The following DMD variants were observed in gnomAD, a reference collection of about 807,000 sequenced individuals.
DMD encodes the protein mutant dystrophin.
In DMD, 63 loss-of-function variants were observed where a neutral mutation model predicts 330.1. The observed-to-expected ratio is 0.19, with a 90% confidence interval of 0.16 to 0.24. The LOEUF (loss-of-function observed/expected upper bound fraction) is 0.24. DMD is among the 10% of genes least tolerant of loss of function. The pLI, the probability that DMD is intolerant of heterozygous loss-of-function variation, is 1.00. For synonymous variants in DMD, 1,223 were observed against 959.8 expected (o/e 1.27, Z -5.07); for missense variants, 3,344 against 2,684.1 (o/e 1.25, Z -5.43).
At chrX:31,984,677 G>A (rs1374382621) in intron 44 of DMD, among the ~76,000 whole-genome samples, 1 of 112,505 alleles carries the variant, frequency 8.9e-6, no homozygotes, top group Non-Finnish European at 1.9e-5. Flanking sequence ...CACTGGAGAA[G>A]AGGGGAAGTT....
chrX:31,798,506 C>A (rs1043339506), intron 50 of DMD, among the ~76,000 whole-genome samples: 1 of 108,460 alleles, frequency 9.2e-6, no homozygotes, highest in African/African-American at 3.4e-5. Flanking sequence ...GGAATAAACC[C>A]TAAAGTTGGC....
intron 2 of DMD, among the ~76,000 whole-genome samples, chrX:32,958,154 G>C (rs768894490): frequency 9.0e-6 from 1 of 111,337 alleles, no homozygotes; most frequent in African/African-American, 3.2e-5. Context: ...AAATATGTTC[G>C]TTCCTAATTC....
At chrX:32,445,177 G>T (rs1404190517) in intron 27 of DMD, among the ~76,000 whole-genome samples, 1 of 111,015 alleles carries the variant, frequency 9.0e-6, no homozygotes, top group Non-Finnish European at 1.9e-5. Context: ...TTTTTTGGGG[G>T]GTTCAAAGCT....
At chrX:31,478,079 G>GC (rs760578577) in intron 59 of DMD, 27 bp downstream of exon 59, 2 of 1,206,061 alleles carry the variant, frequency 1.7e-6, no homozygotes, top group Admixed American at 4.4e-5. Flanking sequence ...CTCTCAAAGG[G>GC]CCCTGAAGCA....
At chrX:32,996,441 G>A (rs1312272574) in intron 2 of DMD, among the ~76,000 whole-genome samples, 1 of 111,579 alleles carries the variant, frequency 9.0e-6, no homozygotes, top group Non-Finnish European at 1.9e-5. Flanking sequence ...AAAGTATCAT[G>A]AAGAAGGATA....
At chrX:31,835,285 G>A (rs2093170648) in intron 49 of DMD, among the ~76,000 whole-genome samples, 1 of 112,095 alleles carries the variant, frequency 8.9e-6, no homozygotes, top group African/African-American at 3.2e-5. Flanking sequence ...AAGGCATAAA[G>A]TCTTTGAGGA....
chrX:32,763,826 T>A (rs1160337042), intron 7 of DMD, among the ~76,000 whole-genome samples: 1 of 111,415 alleles, frequency 9.0e-6, no homozygotes, highest in Non-Finnish European at 1.9e-5. Flanking sequence ...AACCCCAGCC[T>A]CATTTACTAT....
At chrX:32,768,046 T>A (rs1029666300) in intron 7 of DMD, among the ~76,000 whole-genome samples, 1 of 112,231 alleles carries the variant, frequency 8.9e-6, no homozygotes, top group African/African-American at 3.2e-5. Flanking sequence ...CAACTAAAAA[T>A]ATTCTGTCAA....
At chrX:31,585,197 C>T (rs1331509905) in intron 55 of DMD, among the ~76,000 whole-genome samples, 2 of 107,580 alleles carry the variant, frequency 1.9e-5, no homozygotes, top group African/African-American at 6.8e-5. Context: ...GTGGCACTTG[C>T]CTGTAGTCTC....
chrX:33,043,645 CCAAA>C (rs1166401645), intron 1 of DMD, among the ~76,000 whole-genome samples: 1 of 111,598 alleles, frequency 9.0e-6, no homozygotes, highest in African/African-American at 3.3e-5. Flanking sequence ...TTTGACAAAA[CCAAA>C]CTGTCTTTAC....
rs375385324 is a variant in DMD at position 31,528,251 on chromosome X, T to G, written c.8218-20798A>C. ...GTATACCAGCATCCTTTAGGAACAC[T>G]TTACTATTATTTTTCTCATCTCTTT... On this transcript the variant is annotated intron_variant, in intron 55 of 78. Transcript: ENST00000357033. Among the ~76,000 whole-genome samples the G allele has an allele frequency of 2.7e-4, 25 of 94,285 alleles. No homozygotes were observed. The South Asian group carries it at 0.01, about 38-fold the overall frequency. The allele number at this position is 94,285 out of a possible 115,157, so 81.9% of individuals were successfully genotyped here. A position where few individuals can be genotyped will look rare whatever the true frequency, so the allele number is the denominator to read the frequency against.
intron 2 of DMD, among the ~76,000 whole-genome samples, chrX:32,982,626 C>A (rs1339899164): frequency 9.0e-6 from 1 of 111,400 alleles, no homozygotes; most frequent in Admixed American, 9.6e-5. Flanking sequence ...CAGAAGAAGA[C>A]GACGGAGTTT....
intron 47 of DMD, among the ~76,000 whole-genome samples, chrX:31,907,027 A>C (rs1282640813): frequency 1.8e-5 from 2 of 112,230 alleles, no homozygotes; most frequent in African/African-American, 6.5e-5. Context: ...ATTGTGATAT[A>C]AATTTGAAAA....
intron 60 of DMD, among the ~76,000 whole-genome samples, chrX:31,350,539 G>C (rs1005668559): frequency 9.2e-6 from 1 of 108,999 alleles, no homozygotes; most frequent in Admixed American, 9.9e-5. Flanking sequence ...GCAAATATTT[G>C]TTTAATGACT....
chrX:32,090,737 G>A (rs144601412), intron 44 of DMD, among the ~76,000 whole-genome samples: 6 of 111,027 alleles, frequency 5.4e-5, no homozygotes, highest in Non-Finnish European at 9.4e-5. Context: ...AGAGTATTCC[G>A]GTTTGGATAT....
At chrX:31,518,556 T>C (rs886746529) in intron 55 of DMD, among the ~76,000 whole-genome samples, 1 of 110,378 alleles carries the variant, frequency 9.1e-6, no homozygotes, top group Non-Finnish European at 1.9e-5. Flanking sequence ...TTATATTTTA[T>C]GTGCAGGAAT....
At chrX:31,696,367 A>G (rs1330415924) in intron 52 of DMD, among the ~76,000 whole-genome samples, 1 of 112,039 alleles carries the variant, frequency 8.9e-6, no homozygotes, top group East Asian at 2.8e-4. Flanking sequence ...TGTTGGGGGG[A>G]AAAATACAGC....
At chrX:32,590,437 G>A (rs1170741322) in intron 13 of DMD, among the ~76,000 whole-genome samples, 1 of 111,676 alleles carries the variant, frequency 9.0e-6, no homozygotes, top group African/African-American at 3.3e-5. Context: ...TCTTCCGGGT[G>A]TGTCTGTGAG....
At chrX:32,571,082 T>C (rs2052366215) in intron 15 of DMD, among the ~76,000 whole-genome samples, 1 of 111,639 alleles carries the variant, frequency 9.0e-6, no homozygotes, top group Admixed American at 9.5e-5. Context: ...CTGGGCAGGC[T>C]TGTGACTTTT....
Sources: allele counts gnomAD v4.1 joint callset (sites outside exome capture counted in the v4.1 genomes callset), GRCh38; gene constraint gnomAD v4.1.1; transcripts MANE v1.5; gene names NCBI Gene and HGNC (gene_info 2026-07-23, HGNC 2026-07-21).